CEP192: variants seen among roughly 807,000 people sequenced by gnomAD.
CEP192 encodes centrosomal protein of 192 kDa.
A neutral mutation model predicts 271.8 loss-of-function variants in CEP192; 151 were observed. The ratio of observed to expected loss-of-function variants is 0.56; its 90% CI spans 0.49 to 0.64. CEP192 has a LOEUF of 0.64. Among genes scored for constraint, CEP192 ranks in the 30% least tolerant of loss-of-function variants. The pLI, the probability that CEP192 is intolerant of heterozygous loss-of-function variation, is 0.00. For missense variants in CEP192, 2,910 were observed against 3,020.5 expected (o/e 0.96, Z 0.86); for synonymous variants, 995 against 1,076.5 (o/e 0.92, Z 1.48).
At chr18:13,080,762 T>C (rs1249897054) in intron 30 of CEP192, among the ~76,000 whole-genome samples, 3 of 152,356 alleles carry the variant, frequency 2.0e-5, no homozygotes. Flanking sequence ...CACTATGATA[T>C]TGGCTGTGGG....
chr18:13,067,707 T>C lies in CEP192; in HGVS notation c.4489-124T>C, dbSNP rs2037784467. 4.5e-6 allele frequency: 3 copies of C among 670,490 alleles called. No homozygotes were observed. In the East Asian group the frequency reaches 7.9e-5, roughly 18 times the overall value. 41.5% of individuals were successfully genotyped at this position (670,490 alleles called of 1,614,324 possible). On this transcript the variant is annotated intron_variant, in intron 21 of 44. Coordinates refer to ENST00000506447, the MANE Select transcript of CEP192 (RefSeq NM_032142.4). Reference sequence around the variant, plus strand: ...GCAATTGTTAAATAGCCTGGGAAAATGTAGGTAAGTTTTACTTACTGCTGA... The same window carrying C: ...GCAATTGTTAAATAGCCTGGGAAAACGTAGGTAAGTTTTACTTACTGCTGA...
intron 14 of CEP192, 129 bp downstream of exon 14, chr18:13,041,085 GT>G: frequency 1.4e-6 from 1 of 735,672 alleles, no homozygotes; most frequent in Non-Finnish European, 2.1e-6. Context: ...CTCAGTGTTG[GT>G]TATAGATTTG....
At position 13,068,382 on chromosome 18, in the gene CEP192, G is replaced by T. The variant is rs2037827517; in HGVS notation, c.4782G>T (p.Trp1594Cys). The change falls in exon 24 of 45, where the codon TGG becomes TGT. Residue 1594 changes from tryptophan (W) to cysteine (C), a missense_variant. Trp to Cys is a radical substitution (Grantham distance 215, BLOSUM62 -2). Transcript: ENST00000506447. ...AGGATCCAGAATTTCTGATGATTTG[G>T]GTTCTTTTCCATAGTCCAAAGAAAC... The part of the protein sequence containing the change: ...DGQDPEFLMI[W>C]VLFHSPKKQI... 9.3e-6 allele frequency: 15 copies of T among 1,612,278 alleles called. No homozygotes were observed. In the South Asian group the frequency reaches 1.5e-4, roughly 17 times the overall value.
Position 13,114,270 on chromosome 18 carries a change from T to C in CEP192, c.7289+19T>C. On this transcript the variant is annotated intron_variant, in intron 42 of 44. Transcript: ENST00000506447. Reference sequence around the variant, plus strand: ...TACCTGAGTATGTTGTTTTTGTCATTCTTATGAGTTTTTTCCCAGTACTTT... The same window carrying C: ...TACCTGAGTATGTTGTTTTTGTCATCCTTATGAGTTTTTTCCCAGTACTTT... 1 of 1,607,802 alleles carries C rather than the reference T, an allele frequency of 6.2e-7. No homozygotes were observed. The highest frequency in any genetic ancestry group is 8.5e-7 in the Non-Finnish European group (1 of 1,178,362).
chr18:13,062,369 A>G (rs1200345017), intron 21 of CEP192, among the ~76,000 whole-genome samples: 1 of 152,204 alleles, frequency 6.6e-6, no homozygotes, highest in Non-Finnish European at 1.5e-5. Context: ...TACTTTCTCA[A>G]CGTGATAAAG....
intron 9 of CEP192, among the ~76,000 whole-genome samples, chr18:13,026,936 A>G (rs1020477427): frequency 6.6e-6 from 1 of 151,986 alleles, no homozygotes; most frequent in Non-Finnish European, 1.5e-5. Context: ...GCCTTTTAGT[A>G]TGCCTTTTAA....
At chr18:13,004,055 A>G (rs1568264676) in intron 3 of CEP192, among the ~76,000 whole-genome samples, 1 of 152,240 alleles carries the variant, frequency 6.6e-6, no homozygotes, top group South Asian at 2.1e-4. Flanking sequence ...TTACCTAACT[A>G]TGTCAAATAA....
chr18:12,992,269 C>T (rs1239633792), intron 1 of CEP192, among the ~76,000 whole-genome samples: 1 of 152,150 alleles, frequency 6.6e-6, no homozygotes, highest in Non-Finnish European at 1.5e-5. Flanking sequence ...AAGCCTTGAA[C>T]AATAATATAC....
intron 1 of CEP192, among the ~76,000 whole-genome samples, chr18:12,993,841 C>T (rs1244755283): frequency 1.3e-5 from 2 of 152,188 alleles, no homozygotes; most frequent in South Asian, 2.1e-4. Context: ...ATAATTAGCA[C>T]ATTACCTAAT....
chr18:13,113,599 T>C lies in CEP192; in HGVS notation c.7061T>C (p.Phe2354Ser). 2 of 1,613,318 alleles carry C rather than the reference T, an allele frequency of 1.2e-6. No homozygotes were observed. Among genetic ancestry groups the C allele is most frequent in the Non-Finnish European group, 1.7e-6 (2 of 1,179,652 alleles). ...TGTATTTCGTAGGTCTCCATCACAT[T>C]TTTGCCCAGAGGTAGGGGGGATTAT... ...SHGIQKVSITFLPRGRGDYAQ... is the reference protein window; with the variant it reads ...SHGIQKVSITSLPRGRGDYAQ... The change falls in exon 41 of 45, where the codon TTT becomes TCT. Residue 2354 changes from phenylalanine to serine, a missense_variant. Transcript: ENST00000506447.
chr18:13,070,212 A>G (rs971425381), intron 27 of CEP192, among the ~76,000 whole-genome samples: 3 of 152,058 alleles, frequency 2.0e-5, no homozygotes, highest in Admixed American at 2.0e-4. Flanking sequence ...ACAGCCACTC[A>G]CATGTGCTTC....
chr18:12,992,365 C>T (rs2032918837), intron 1 of CEP192, among the ~76,000 whole-genome samples: 1 of 152,226 alleles, frequency 6.6e-6, no homozygotes, highest in African/African-American at 2.4e-5. Flanking sequence ...GCTTTGGGTT[C>T]CACGGCGTGT....
At position 13,056,004 on chromosome 18, in the gene CEP192, A is replaced by G. The variant is rs768309244; in HGVS notation, c.3414A>G (p.Lys1138=). Residue 1138 remains lysine (K), a synonymous_variant, in exon 19 of 45, where the codon AAA becomes AAG. Coordinates refer to ENST00000506447, the MANE Select transcript of CEP192 (RefSeq NM_032142.4). ...TAAAACCTGACTTTAGATGGAGTAA[A>G]GATCCTTCCTCCAAAAGTGGAAATC... The part of the protein sequence containing the change: ...EYVKPDFRWS[K]DPSSKSGNLL... The G allele has an allele frequency of 1.4e-5, 23 of 1,614,078 alleles. No homozygotes were observed. Among genetic ancestry groups the G allele is most frequent in the Admixed American group, 8.3e-5 (5 of 60,000 alleles).
chr18:13,073,156 A>G lies in CEP192; in HGVS notation c.5587A>G (p.Asn1863Asp). Reference sequence around the variant, plus strand: ...TAGACTAGAAATCAAACAACTTGGAAATCGATCACAACCAGGCATTAAGTT... The same window carrying G: ...TAGACTAGAAATCAAACAACTTGGAGATCGATCACAACCAGGCATTAAGTT... Reference protein sequence around the residue: ...LARLEIKQLGNRSQPGIKFTI... With the variant: ...LARLEIKQLGDRSQPGIKFTI... The change falls in exon 30 of 45, where the codon AAT becomes GAT. Residue 1863 changes from asparagine to aspartate, a missense_variant. Asn to Asp is a conservative substitution (Grantham distance 23, BLOSUM62 1). Coordinates refer to ENST00000506447, the MANE Select transcript of CEP192 (RefSeq NM_032142.4). The G allele has an allele frequency of 6.2e-7, 1 of 1,612,296 alleles. No homozygotes were observed. Among genetic ancestry groups the G allele is most frequent in the Non-Finnish European group, 8.5e-7 (1 of 1,179,496 alleles).
chr18:13,120,656 A>G (rs2040618450), intron 44 of CEP192, among the ~76,000 whole-genome samples: 1 of 152,220 alleles, frequency 6.6e-6, no homozygotes, highest in South Asian at 2.1e-4. Flanking sequence ...TTTGAATGAA[A>G]TAATTTTATA....
chr18:13,084,025 G>A (rs550383694), intron 30 of CEP192, among the ~76,000 whole-genome samples: 1 of 152,252 alleles, frequency 6.6e-6, no homozygotes, highest in East Asian at 1.9e-4. Flanking sequence ...CCTGTATGAG[G>A]TGTCATTCGG....
chr18:13,045,765 C>A (rs2036441212), intron 15 of CEP192, among the ~76,000 whole-genome samples: 1 of 152,150 alleles, frequency 6.6e-6, no homozygotes, highest in Non-Finnish European at 1.5e-5. Context: ...AAAAATTGTT[C>A]TTGCTAACAA....
chr18:13,051,045 A>G (rs2036759296), intron 17 of CEP192, among the ~76,000 whole-genome samples: 1 of 152,220 alleles, frequency 6.6e-6, no homozygotes, highest in Non-Finnish European at 1.5e-5. Flanking sequence ...CTAGAGGGAT[A>G]TCTGAGACTA....
At chr18:13,028,012 A>C (rs1184058125) in intron 9 of CEP192, among the ~76,000 whole-genome samples, 1 of 152,206 alleles carries the variant, frequency 6.6e-6, no homozygotes, top group African/African-American at 2.4e-5. Flanking sequence ...ATTTCCTCAC[A>C]GTTATGGAGG....
Sources: allele counts gnomAD v4.1 joint callset (sites outside exome capture counted in the v4.1 genomes callset), GRCh38; gene constraint gnomAD v4.1.1; transcripts MANE v1.5; gene names NCBI Gene and HGNC (gene_info 2026-07-23, HGNC 2026-07-21).